ASRGL1: variants seen among roughly 807,000 people sequenced by gnomAD.
The protein encoded by ASRGL1 is asparaginase and isoaspartyl peptidase 1, also known as isoaspartyl peptidase/L-asparaginase.
ASRGL1 carries 16 observed loss-of-function variants against 22.4 expected under a neutral mutation model. The observed-to-expected ratio is 0.71, with a 90% CI of 0.48 to 1.08. ASRGL1 has a LOEUF of 1.08. ASRGL1 is among the 50% of genes least tolerant of loss of function. The probability of loss-of-function intolerance (pLI) is 0.00; values close to 1 mark genes in which losing one functional copy is unlikely to be tolerated. For missense variants in ASRGL1, 412 were observed against 410.1 expected (o/e 1.00, Z -0.04); for synonymous variants, 165 against 159.3 (o/e 1.04, Z -0.27).
At chr11:62,355,622 CTTT>C (rs56828559) in intron 2 of ASRGL1, among the ~76,000 whole-genome samples, 1 of 131,926 alleles carries the variant, frequency 7.6e-6, no homozygotes, top group Admixed American at 7.7e-5. Context: ...TTTCTAAATT[CTTT>C]TTTTTTTTTT....
chr11:62,378,392 C>G (rs1429146305), intron 4 of ASRGL1, among the ~76,000 whole-genome samples: 1 of 152,174 alleles, frequency 6.6e-6, no homozygotes, highest in Non-Finnish European at 1.5e-5. Context: ...TTGTCTCTAA[C>G]TGGTTGAAGA....
In ASRGL1 at chr11:62,389,209, G is replaced by A. The variant is rs200906420; in HGVS notation, c.568G>A (p.Val190Ile). The A allele has an allele frequency of 2.4e-5, 38 of 1,614,036 alleles. No homozygotes were observed. The highest frequency in any genetic ancestry group is 1.1e-4 in the East Asian group (5 of 44,890). Residue 190 changes from valine to isoleucine, a missense_variant, in exon 5 of 7, where the codon GTT becomes ATT. By Grantham distance (29) the Val-to-Ile change is conservative. Coordinates refer to ENST00000415229, the MANE Select transcript of ASRGL1 (RefSeq NM_001083926.2). Reference sequence around the variant, plus strand: ...CTACGCAACCTCCACAGGCGGTATCGTTAATAAAATGGTCGGCCGCGTTGG... The same window carrying A: ...CTACGCAACCTCCACAGGCGGTATCATTAATAAAATGGTCGGCCGCGTTGG... ...VAYATSTGGI[V>I]NKMVGRVGDS... is the part of the protein sequence containing the mutation.
intron 4 of ASRGL1, among the ~76,000 whole-genome samples, chr11:62,383,409 C>T (rs1235772184): frequency 6.8e-6 from 1 of 147,474 alleles, no homozygotes; most frequent in African/African-American, 2.5e-5. Context: ...CGAGACCATC[C>T]CGGCTAAAAC....
chr11:62,362,797 A>G (rs1378227116), intron 4 of ASRGL1, among the ~76,000 whole-genome samples: 1 of 71,920 alleles, frequency 1.4e-5, no homozygotes, highest in African/African-American at 5.2e-5. Context: ...GGGAGTATCT[A>G]CTTGCTTATC....
At chr11:62,368,939 A>C (rs1368563888) in intron 4 of ASRGL1, among the ~76,000 whole-genome samples, 4 of 152,144 alleles carry the variant, frequency 2.6e-5, no homozygotes, top group African/African-American at 9.7e-5. Flanking sequence ...GAGACATTCC[A>C]TTGCCCAGGG....
chr11:62,346,111 C>T (rs1022851139), intron 2 of ASRGL1, among the ~76,000 whole-genome samples: 2 of 152,190 alleles, frequency 1.3e-5, no homozygotes, highest in African/African-American at 4.8e-5. Context: ...CGTAAGACTG[C>T]TTCCCACTTC....
intron 2 of ASRGL1, among the ~76,000 whole-genome samples, chr11:62,352,084 T>C (rs1324633677): frequency 6.6e-6 from 1 of 152,128 alleles, no homozygotes; most frequent in African/African-American, 2.4e-5. Flanking sequence ...AAAATTTAAG[T>C]GTTGAAGCCC....
intron 4 of ASRGL1, among the ~76,000 whole-genome samples, chr11:62,380,438 G>A (rs898713211): frequency 1.3e-5 from 2 of 152,100 alleles, no homozygotes; most frequent in African/African-American, 2.4e-5. Context: ...CAGGCCCTAA[G>A]GCAGATAGCT....
intron 2 of ASRGL1, among the ~76,000 whole-genome samples, chr11:62,343,116 T>C (rs1945908578): frequency 1.3e-5 from 2 of 151,774 alleles, no homozygotes; most frequent in Admixed American, 1.3e-4. Flanking sequence ...GGTGGCTCAC[T>C]CCTATAATCC....
At chr11:62,350,498 T>C (rs1031869165) in intron 2 of ASRGL1, among the ~76,000 whole-genome samples, 1 of 152,136 alleles carries the variant, frequency 6.6e-6, no homozygotes, top group Non-Finnish European at 1.5e-5. Context: ...TATAGTTTGG[T>C]CAAATTTTTT....
chr11:62,394,291 ATATT>A (rs1208139536), downstream of ASRGL1, among the ~76,000 whole-genome samples: 6 of 142,360 alleles, frequency 4.2e-5, no homozygotes, highest in Non-Finnish European at 9.1e-5. Flanking sequence ...TATATTGTAT[ATATT>A]ATATATTATA....
At chr11:62,344,509 T>C (rs1290327993) in intron 2 of ASRGL1, among the ~76,000 whole-genome samples, 1 of 152,144 alleles carries the variant, frequency 6.6e-6, no homozygotes, top group Non-Finnish European at 1.5e-5. Flanking sequence ...ATTTTTCTTG[T>C]GTTGTCTTCT....
downstream of ASRGL1, among the ~76,000 whole-genome samples, chr11:62,394,286 TGTATATA>T (rs1244344763): frequency 1.4e-5 from 2 of 143,270 alleles, no homozygotes; most frequent in South Asian, 2.1e-4. Flanking sequence ...TATCATATAT[TGTATATA>T]TTATATATTA....
chr11:62,356,509 T>C lies in ASRGL1; in HGVS notation c.333+42T>C, dbSNP rs776787828. ...CAGCCTTTTCCTAATGAATTGTTAT[T>C]GTTATACTGCAGTGATAAGGGCTCC... On this transcript the variant is annotated intron_variant, in intron 3 of 6. Transcript: ENST00000415229. 37 of 1,602,130 alleles carry C rather than the reference T, an allele frequency of 2.3e-5. No individual in the cohort carries two copies. The South Asian group carries it at 3.9e-4, about 17-fold the overall frequency.
chr11:62,399,693 G>A, the ASRGL1 span, among the ~76,000 whole-genome samples: 2 of 152,180 alleles, frequency 1.3e-5, no homozygotes, highest in South Asian at 2.1e-4. Context: ...AGGACCCAGC[G>A]GGCAGCACTG....
At chr11:62,342,764 A>C (rs1361167314) in intron 2 of ASRGL1, among the ~76,000 whole-genome samples, 8 of 152,160 alleles carry the variant, frequency 5.3e-5, no homozygotes, top group Admixed American at 5.2e-4. Flanking sequence ...TCTCCAAAAA[A>C]AAAAAAAGTC....
chr11:62,371,394 C>G, intron 4 of ASRGL1: 1 of 602,244 alleles, frequency 1.7e-6, no homozygotes, highest in Non-Finnish European at 2.8e-6. Context: ...TGGTGGTCGC[C>G]GAACCCGAGC....
chr11:62,383,849 A>G (rs11231067), intron 4 of ASRGL1, among the ~76,000 whole-genome samples: 41,588 of 144,998 alleles, frequency 0.29, 5,934 homozygotes, highest in South Asian at 0.37. Context: ...GCTAGAACCC[A>G]GTTGCAGTGA....
chr11:62,372,923 G>A, intron 4 of ASRGL1: 3 of 1,564,090 alleles, frequency 1.9e-6, no homozygotes, highest in Admixed American at 3.3e-5. Context: ...CTTGTGGGAA[G>A]AGCAGCATCA....
Sources: allele counts gnomAD v4.1 joint callset (sites outside exome capture counted in the v4.1 genomes callset), GRCh38; gene constraint gnomAD v4.1.1; transcripts MANE v1.5; gene names NCBI Gene and HGNC (gene_info 2026-07-23, HGNC 2026-07-21).